Variants in CLMN observed in about 807,000 individuals in gnomAD.
CLMN encodes the protein calmin.
Under a neutral mutation model 92.7 loss-of-function variants are expected in CLMN, and 57 were observed. The observed-to-expected ratio is 0.61, with a 90% confidence interval of 0.50 to 0.77. CLMN has a LOEUF of 0.77. Among genes scored for constraint, CLMN ranks in the 30% least tolerant of loss-of-function variants. The probability of loss-of-function intolerance (pLI) is 0.00; values close to 1 mark genes in which losing one functional copy is unlikely to be tolerated. For synonymous variants in CLMN, 466 were observed against 470.6 expected, an observed-to-expected ratio of 0.99 and a Z score of 0.13; for missense variants, 1,158 against 1,237.5, an observed-to-expected ratio of 0.94 and a Z score of 0.96.
At chr14:95,240,130 A>T (rs1484018157) in intron 1 of CLMN, among the ~76,000 whole-genome samples, 1 of 152,236 alleles carries the variant, frequency 6.6e-6, no homozygotes, top group Non-Finnish European at 1.5e-5. Flanking sequence ...CACACTCGAC[A>T]ATGTTTGTAC....
intron 1 of CLMN, among the ~76,000 whole-genome samples, chr14:95,287,227 C>A (rs1240367618): frequency 6.6e-6 from 1 of 152,172 alleles, no homozygotes; most frequent in Non-Finnish European, 1.5e-5. Flanking sequence ...AAATAAAAAC[C>A]TCCCCGCTTC....
intron 1 of CLMN, among the ~76,000 whole-genome samples, chr14:95,282,853 G>A: frequency 6.6e-6 from 1 of 152,274 alleles, no homozygotes; most frequent in East Asian, 1.9e-4. Flanking sequence ...TTCTTTGCAG[G>A]AGCAGAACTG....
At position 95,291,218 on chromosome 14, in the gene CLMN, G is replaced by A. The variant is rs936375847; in HGVS notation, c.82+28493C>T. Among the ~76,000 whole-genome samples the A allele has an allele frequency of 1.5e-4, 23 of 152,320 alleles. 1 individual carries two copies. Among genetic ancestry groups the A allele is most frequent in the East Asian group, 3.9e-4 (2 of 5,182 alleles). ...TTCACCCACCCAGCTGAGCCTGGGC[G>A]TGAGCCTTCCTGTCTGCCTGGGGCT... On this transcript the variant is annotated intron_variant, in intron 1 of 12. Transcript: ENST00000298912.
At chr14:95,245,254 A>ATATATATATT (rs1491364370) in intron 1 of CLMN, among the ~76,000 whole-genome samples, 2 of 27,976 alleles carry the variant, frequency 7.1e-5, no homozygotes, top group African/African-American at 2.1e-4. Context: ...ATATATATAT[A>ATATATATATT]ATATATATAT....
At chr14:95,233,080 C>CA in intron 1 of CLMN, among the ~76,000 whole-genome samples, 1 of 152,198 alleles carries the variant, frequency 6.6e-6, no homozygotes, top group East Asian at 1.9e-4. Context: ...GCTTTTACCC[C>CA]CACCTGTCTT....
intron 2 of CLMN, among the ~76,000 whole-genome samples, chr14:95,228,942 T>G (rs1451529246): frequency 6.6e-6 from 1 of 152,206 alleles, no homozygotes; most frequent in Non-Finnish European, 1.5e-5. Context: ...CCCAAAGCAC[T>G]GGGGTTACAG....
intron 1 of CLMN, among the ~76,000 whole-genome samples, chr14:95,230,899 C>T (rs1245497388): frequency 1.3e-5 from 2 of 152,250 alleles, no homozygotes; most frequent in Non-Finnish European, 2.9e-5. Flanking sequence ...AACCGAAGGA[C>T]ATAAACCAGG....
intron 5 of CLMN, among the ~76,000 whole-genome samples, chr14:95,214,647 C>T (rs917020541): frequency 2.6e-5 from 4 of 152,160 alleles, no homozygotes; most frequent in Non-Finnish European, 4.4e-5. Flanking sequence ...CCACTGTGCC[C>T]AGCCCACATG....
chr14:95,277,541 T>G (rs1899980162), intron 1 of CLMN, among the ~76,000 whole-genome samples: 1 of 150,354 alleles, frequency 6.7e-6, no homozygotes, highest in Non-Finnish European at 1.5e-5. Flanking sequence ...CAAAGTTGAT[T>G]GCTCTAGGCT....
At chr14:95,208,301 C>T (rs1047568718) in intron 8 of CLMN, among the ~76,000 whole-genome samples, 4 of 152,242 alleles carry the variant, frequency 2.6e-5, no homozygotes, top group African/African-American at 9.6e-5. Flanking sequence ...CAATTACTAA[C>T]GGATTCAAGA....
chr14:95,261,344 G>A (rs1008579238), intron 1 of CLMN, among the ~76,000 whole-genome samples: 5 of 152,310 alleles, frequency 3.3e-5, no homozygotes, highest in East Asian at 1.9e-4. Flanking sequence ...GCCGCTTTGC[G>A]CACCTCCGTG....
chr14:95,307,956 AG>A (rs1328672621), intron 1 of CLMN, among the ~76,000 whole-genome samples: 2 of 152,184 alleles, frequency 1.3e-5, no homozygotes, highest in Non-Finnish European at 1.5e-5. Flanking sequence ...TCTGTGAAGT[AG>A]GGGCCCCAGA....
At chr14:95,258,102 AT>A (rs1899077230) in intron 1 of CLMN, among the ~76,000 whole-genome samples, 2 of 150,740 alleles carry the variant, frequency 1.3e-5, no homozygotes, top group Non-Finnish European at 3.0e-5. Context: ...GGGAATGTGT[AT>A]TCAGCACATG....
chr14:95,276,807 A>G (rs916661859), intron 1 of CLMN, among the ~76,000 whole-genome samples: 1 of 152,116 alleles, frequency 6.6e-6, no homozygotes, highest in African/African-American at 2.4e-5. Context: ...CTGGGTGGAT[A>G]ATGTCTGTGT....
intron 1 of CLMN, among the ~76,000 whole-genome samples, chr14:95,293,113 TCCCTTCCC>T (rs1900640858): frequency 2.0e-5 from 1 of 50,856 alleles, no homozygotes. Flanking sequence ...TGCCCTCCCC[TCCCTTCCC>T]TCCTTCCCTC....
In CLMN at chr14:95,202,994, C is replaced by T. The variant is rs747318709; in HGVS notation, c.2355G>A (p.Val785=). The T allele has an allele frequency of 1.2e-6, 2 of 1,614,102 alleles. No individual in the cohort carries two copies. Among genetic ancestry groups the T allele is most frequent in the South Asian group, 2.2e-5 (2 of 91,070 alleles). Residue 785 remains valine (V), a synonymous_variant, in exon 9 of 13, where the codon GTG becomes GTA. Transcript: ENST00000298912. ...TGGCACTGGGGAGGCTCTCTCCTGG[C>T]ACCGAGGAACTGGAGCTGCTCTGAG... ...DGSQSSSSSS[V]PGESLPSASD...
chr14:95,224,640 C>T (rs1405201708), intron 2 of CLMN, among the ~76,000 whole-genome samples: 1 of 152,174 alleles, frequency 6.6e-6, no homozygotes, highest in Non-Finnish European at 1.5e-5. Context: ...ATAGTCGCAG[C>T]ATTTGGTCAA....
chr14:95,208,272 CCAGG>C (rs1566867187), intron 8 of CLMN, among the ~76,000 whole-genome samples: 1 of 152,042 alleles, frequency 6.6e-6, no homozygotes, highest in Non-Finnish European at 1.5e-5. Flanking sequence ...GTCCCCTAAG[CCAGG>C]GGCAAGGGTT....
chr14:95,243,507 G>A (rs1436245676), intron 1 of CLMN, among the ~76,000 whole-genome samples: 2 of 152,006 alleles, frequency 1.3e-5, no homozygotes, highest in African/African-American at 4.8e-5. Flanking sequence ...TTCAACAACT[G>A]ACCTTTTCAA....
Sources: allele counts gnomAD v4.1 joint callset (sites outside exome capture counted in the v4.1 genomes callset), GRCh38; gene constraint gnomAD v4.1.1; transcripts MANE v1.5; gene names NCBI Gene and HGNC (gene_info 2026-07-23, HGNC 2026-07-21).